Variants in RYK observed in about 807,000 individuals in gnomAD.
RYK encodes receptor like tyrosine kinase.
A neutral mutation model predicts 70.2 loss-of-function variants in RYK; 21 were observed. The ratio of observed to expected loss-of-function variants is 0.30; its 90% CI spans 0.21 to 0.43. The LOEUF (loss-of-function observed/expected upper bound fraction) is 0.43. Ranked by LOEUF, RYK falls within the 20% of genes least tolerant of loss-of-function variation. RYK has a pLI of 1.00. For synonymous variants in RYK, 267 were observed against 278.0 expected (o/e 0.96, Z 0.39); for missense variants, 604 against 753.3 (o/e 0.80, Z 2.32).
chr3:134,184,955 T>C (rs9822749), intron 9 of RYK, among the ~76,000 whole-genome samples: 60,185 of 129,908 alleles, frequency 0.46, 14,379 homozygotes, highest in Middle Eastern at 0.69. Flanking sequence ...TGAAACCCCA[T>C]CTCTACAAAA....
chr3:134,200,777 G>A (rs562507826), intron 6 of RYK, among the ~76,000 whole-genome samples: 1 of 152,306 alleles, frequency 6.6e-6, no homozygotes, highest in African/African-American at 2.4e-5. Context: ...GCTTCAAACA[G>A]AGATGGTCTG....
At chr3:134,227,616 T>C (rs2014947517) in intron 1 of RYK, among the ~76,000 whole-genome samples, 1 of 152,096 alleles carries the variant, frequency 6.6e-6, no homozygotes, top group African/African-American at 2.4e-5. Flanking sequence ...ACAGCTATTA[T>C]ACTGCTGGTA....
At chr3:134,196,315 T>A (rs1376303469) in intron 6 of RYK, among the ~76,000 whole-genome samples, 2 of 152,136 alleles carry the variant, frequency 1.3e-5, no homozygotes, top group Admixed American at 1.3e-4. Flanking sequence ...GCAGGATAGG[T>A]CTTTCAATGC....
intron 5 of RYK, among the ~76,000 whole-genome samples, chr3:134,204,027 A>G (rs1043857957): frequency 9.2e-5 from 14 of 152,184 alleles, no homozygotes; most frequent in African/African-American, 3.1e-4. Context: ...GAGGAATCAG[A>G]CATCATTTTG....
At chr3:134,199,213 TTC>T (rs1187375922) in intron 6 of RYK, among the ~76,000 whole-genome samples, 1 of 152,246 alleles carries the variant, frequency 6.6e-6, no homozygotes, top group African/African-American at 2.4e-5. Context: ...GCAGTGTTAA[TTC>T]TCTGCCTCTA....
chr3:134,245,277 ATAGT>A (rs2015434579), intron 1 of RYK, among the ~76,000 whole-genome samples: 1 of 152,174 alleles, frequency 6.6e-6, no homozygotes, highest in Admixed American at 6.5e-5. Context: ...GTCATCTTCA[ATAGT>A]TAAACCCAAA....
chr3:134,246,980 C>T (rs561585085), intron 1 of RYK, among the ~76,000 whole-genome samples: 1 of 151,048 alleles, frequency 6.6e-6, no homozygotes, highest in African/African-American at 2.4e-5. Context: ...TAATGTGCTA[C>T]CTGGAAAAAA....
intron 13 of RYK, among the ~76,000 whole-genome samples, chr3:134,166,613 G>C (rs2012682363): frequency 6.6e-6 from 1 of 152,176 alleles, no homozygotes; most frequent in East Asian, 1.9e-4. Context: ...GTTATTTATG[G>C]CACTTTTTGC....
intron 5 of RYK, among the ~76,000 whole-genome samples, chr3:134,204,814 G>A (rs1576520068): frequency 1.3e-5 from 2 of 152,196 alleles, no homozygotes; most frequent in African/African-American, 4.8e-5. Flanking sequence ...AGTGAGATGG[G>A]GGATCATTGC....
chr3:134,210,256 G>GCC (rs1171006421), intron 3 of RYK, among the ~76,000 whole-genome samples: 12 of 152,168 alleles, frequency 7.9e-5, no homozygotes, highest in Admixed American at 7.9e-4. Flanking sequence ...CTACCAAAAT[G>GCC]CAAGTATGTC....
intron 11 of RYK, among the ~76,000 whole-genome samples, chr3:134,176,904 C>T (rs1169812668): frequency 2.6e-5 from 4 of 151,880 alleles, no homozygotes; most frequent in Non-Finnish European, 5.9e-5. Flanking sequence ...AAAAATTAGC[C>T]GGGCGTGGTG....
Position 134,211,611 on chromosome 3 carries a change from T to TA in RYK, c.355-5dup. 6.2e-7 allele frequency: 1 copy of TA among 1,604,584 alleles called. No homozygotes were observed. Among genetic ancestry groups the TA allele is most frequent in the Non-Finnish European group, 8.5e-7 (1 of 1,171,736 alleles). On this transcript the variant is annotated splice_region_variant and splice_polypyrimidine_tract_variant and intron_variant, in intron 2 of 14. Transcript: ENST00000623711. ...GGAATCCCAGCTTATATTCAACCTG[T>TA]AAAATAGACAAAAATAAACAAAATG...
chr3:134,191,517 C>CA (rs944081811), intron 8 of RYK, among the ~76,000 whole-genome samples: 2 of 152,188 alleles, frequency 1.3e-5, no homozygotes, highest in Non-Finnish European at 2.9e-5. Context: ...AGTTATCCGT[C>CA]AGAGAGAAAG....
intron 1 of RYK, among the ~76,000 whole-genome samples, chr3:134,223,532 A>C (rs1017066984): frequency 3.9e-5 from 6 of 152,162 alleles, no homozygotes; most frequent in African/African-American, 1.4e-4. Context: ...CCTACCAAGA[A>C]GGCAGTGAAC....
chr3:134,203,157 G>A (rs977982119), intron 5 of RYK, among the ~76,000 whole-genome samples: 8 of 152,162 alleles, frequency 5.3e-5, no homozygotes, highest in Non-Finnish European at 1.0e-4. Context: ...AGACCACCCT[G>A]GCCAATATGG....
chr3:134,178,309 A>G lies in RYK; in HGVS notation c.1173-236T>C, dbSNP rs533233468. 1.3e-4 allele frequency: 47 copies of G among 374,098 alleles called. 1 individual carries two copies. Among genetic ancestry groups the G allele is most frequent in the African/African-American group, 9.6e-4 (45 of 46,674 alleles). 23.2% of individuals were successfully genotyped at this position (374,098 alleles called of 1,614,324 possible). The stretch of plus-strand genomic sequence containing the variant: ...CTTGGTAGGGAAAAATCATAAACTC[A>G]AAGTTGCTTCCTGTGGGCTGGATTC... On this transcript the variant is annotated intron_variant, in intron 10 of 14. Transcript: ENST00000623711.
intron 1 of RYK, among the ~76,000 whole-genome samples, chr3:134,240,591 T>C (rs914277741): frequency 4.6e-5 from 7 of 152,160 alleles, no homozygotes; most frequent in African/African-American, 2.4e-5. Flanking sequence ...TCTTAATATA[T>C]GCAAATTTTC....
At chr3:134,209,360 G>C (rs900067697) in intron 4 of RYK, among the ~76,000 whole-genome samples, 2 of 152,156 alleles carry the variant, frequency 1.3e-5, no homozygotes. Flanking sequence ...AAAGTAACTT[G>C]ATAAGGGAAA....
intron 1 of RYK, among the ~76,000 whole-genome samples, chr3:134,240,582 CTT>C (rs1323123811): frequency 7.9e-5 from 12 of 152,034 alleles, no homozygotes; most frequent in Admixed American, 7.2e-4. Flanking sequence ...CAGAGTGAAT[CTT>C]AATATATGCA....
Sources: allele counts gnomAD v4.1 joint callset (sites outside exome capture counted in the v4.1 genomes callset), GRCh38; gene constraint gnomAD v4.1.1; transcripts MANE v1.5; gene names NCBI Gene and HGNC (gene_info 2026-07-23, HGNC 2026-07-21).